Variants in CALML6 observed in about 807,000 individuals in gnomAD.
The protein encoded by CALML6 is calmodulin like 6.
CALML6 carries 27 observed loss-of-function variants against 25.0 expected under a neutral mutation model. That is an observed-to-expected ratio of 1.08 (90% CI 0.80 to 1.49). The LOEUF (loss-of-function observed/expected upper bound fraction) is 1.49, where lower values mean the gene tolerates loss of function less well. Among genes scored for constraint, CALML6 ranks in the 40% most tolerant of loss-of-function variants. The pLI, the probability that CALML6 is intolerant of heterozygous loss-of-function variation, is 0.00. For synonymous variants in CALML6, 97 were observed against 87.2 expected (o/e 1.11, Z -0.63); for missense variants, 239 against 232.7 (o/e 1.03, Z -0.18).
At position 1,915,636 on chromosome 1, in the gene CALML6, G is replaced by A. The variant is rs1380339771; in HGVS notation, c.28-49G>A. ...GACCCCGGGGACCCCAGGCAGCCAG[G>A]CCCAGCTAAAACTCAGCTGCCACCA... On this transcript the variant is annotated intron_variant, in intron 1 of 5. Coordinates refer to ENST00000307786, the MANE Select transcript of CALML6 (RefSeq NM_138705.4). 3 of 1,600,914 alleles carry A rather than the reference G, an allele frequency of 1.9e-6. No homozygotes were observed. The East Asian group carries it at 6.7e-5, about 36-fold the overall frequency.
Position 1,916,526 on chromosome 1 carries a change from C to T in CALML6, c.164C>T (p.Thr55Met), listed in dbSNP as rs145801911. ...GAAGAGGGCAACGGGGAGGTGAAGA[C>T]GGGGGAGCTGGAGTGGCTCATGAGC... ...FDEEGNGEVK[T>M]GELEWLMSLL... Residue 55 changes from threonine (T) to methionine (M), a missense_variant, in exon 3 of 6, where the codon ACG becomes ATG. Transcript: ENST00000307786. 60 of 1,609,558 alleles carry T rather than the reference C, an allele frequency of 3.7e-5. No individual in the cohort carries two copies. Among genetic ancestry groups the T allele is most frequent in the Admixed American group, 1.0e-4 (6 of 59,136 alleles).
chr1:1,915,830 G>GT, intron 2 of CALML6, 95 bp downstream of exon 2: 2 of 1,205,384 alleles, frequency 1.7e-6, no homozygotes, highest in Non-Finnish European at 2.4e-6. Context: ...CACGGAGCCT[G>GT]GGCAGGAAGG....
Position 1,916,565 on chromosome 1 carries a change from A to G in CALML6, c.203A>G (p.Asn68Ser). ...TGGCTCATGAGCCTGCTGGGTATCA[A>G]CCCCACCAAGAGTGAGCTGGCCTCA... ...LEWLMSLLGI[N>S]PTKSELASMA... The change falls in exon 3 of 6, where the codon AAC becomes AGC. Residue 68 changes from asparagine (N) to serine (S), a missense_variant. By Grantham distance (46) the Asn-to-Ser change is conservative. This residue lies in a region of CALML6 where 231 missense variants were observed against 210.9 expected (regional missense o/e 1.10). Coordinates refer to ENST00000307786, the MANE Select transcript of CALML6 (RefSeq NM_138705.4). The G allele has an allele frequency of 1.2e-6, 2 of 1,611,532 alleles. No homozygotes were observed. The highest frequency in any genetic ancestry group is 1.7e-6 in the Non-Finnish European group (2 of 1,179,272).
At chr1:1,916,153 TGCCTGGCCC>T in intron 2 of CALML6, 1 of 429,222 alleles carries the variant, frequency 2.3e-6, no homozygotes, top group South Asian at 3.8e-5. Flanking sequence ...CCAGGGCCGC[TGCCTGGCCC>T]GCCTGGCCCT....
intron 2 of CALML6, 134 bp from the exon 3 acceptor site, chr1:1,916,307 G>A: frequency 1.3e-6 from 1 of 786,368 alleles, no homozygotes; most frequent in East Asian, 2.8e-5. Context: ...GCTCTCCGCT[G>A]GGGGCCTCCT....
At position 1,915,727 on chromosome 1, in the gene CALML6, A is replaced by G. The variant is rs772958983; in HGVS notation, c.70A>G (p.Thr24Ala). The change falls in exon 2 of 6, where the codon ACC becomes GCC. Residue 24 changes from threonine to alanine, a missense_variant. Coordinates refer to ENST00000307786, the MANE Select transcript of CALML6 (RefSeq NM_138705.4). ...CCCTGCAGAATCCTGTCAGACAACC[A>G]CCGACATGGTAAGGCTGCTCTCTGT... The part of the protein sequence containing the change: ...HHPAESCQTT[T>A]DMTERLSAEQ... The G allele has an allele frequency of 8.7e-6, 14 of 1,613,336 alleles. No homozygotes were observed. The South Asian group carries it at 1.2e-4, about 14-fold the overall frequency.
chr1:1,915,997 T>C, intron 2 of CALML6: 1 of 551,880 alleles, frequency 1.8e-6, no homozygotes, highest in Non-Finnish European at 3.3e-6. Context: ...CCCTCCGGAA[T>C]GCCACACAGG....
Position 1,915,740 on chromosome 1 carries a change from G to A in CALML6, c.78+5G>A. 6.2e-7 allele frequency: 1 copy of A among 1,613,370 alleles called. No individual in the cohort carries two copies. The highest frequency in any genetic ancestry group is 8.5e-7 in the Non-Finnish European group (1 of 1,179,938). ...TGTCAGACAACCACCGACATGGTAAGGCTGCTCTCTGTGCCCGATGGAGTC... is the reference window on the plus strand; with the variant it reads ...TGTCAGACAACCACCGACATGGTAAAGCTGCTCTCTGTGCCCGATGGAGTC... On this transcript the variant is annotated splice_donor_5th_base_variant and intron_variant, in intron 2 of 5. Transcript: ENST00000307786.
In CALML6 at chr1:1,916,784, G is replaced by T; in HGVS notation, c.286G>T (p.Ala96Ser). The change falls in exon 4 of 6, where the codon GCA (alanine) becomes TCA (serine). Residue 96 changes from alanine to serine, a missense_variant. By Grantham distance (99) the Ala-to-Ser change is moderately conservative. Coordinates refer to ENST00000307786, the MANE Select transcript of CALML6 (RefSeq NM_138705.4). ...KGFFNCDGFL[A>S]LMGVYHEKAQ... is the part of the protein sequence containing the mutation. ...GTTCTTCAACTGCGATGGTTTCCTG[G>T]CACTAATGGGAGTTTACCATGAGAA... 1 of 1,613,586 alleles carries T rather than the reference G, an allele frequency of 6.2e-7. No individual in the cohort carries two copies. Among genetic ancestry groups the T allele is most frequent in the East Asian group, 2.2e-5 (1 of 44,882 alleles).
chr1:1,916,927 C>CCGGGGGGGGGGGGGGGGGGGGGGGG, intron 4 of CALML6, 31 bp downstream of exon 4: 6 of 472,222 alleles, frequency 1.3e-5, no homozygotes, highest in East Asian at 5.8e-5. Flanking sequence ...GGGTGGTGGG[C>CCGGGGGGGGGGGGGGGGGGGGGGGG]GGGCACGGGC....
At position 1,917,065 on chromosome 1, in the gene CALML6, G is replaced by T; in HGVS notation, c.490G>T (p.Asp164Tyr). The T allele has an allele frequency of 6.2e-7, 1 of 1,610,360 alleles. No individual in the cohort carries two copies. ...CGACAAGGATGGGGACAGGACCATC[G>T]ACTATGAGGGTGAGTGGCCTGGAGC... ...EADKDGDRTI[D>Y]YEEFVAMMTG... Residue 164 changes from aspartate (D) to tyrosine (Y), a missense_variant, in exon 5 of 6, where the codon GAC (aspartate) becomes TAC (tyrosine). Transcript: ENST00000307786.
rs1029463182 is a variant in CALML6 at position 1,915,733 on chromosome 1, A to T, written c.76A>T (p.Met26Leu). ...AGAATCCTGTCAGACAACCACCGAC[A>T]TGGTAAGGCTGCTCTCTGTGCCCGA... is the stretch of plus-strand genomic sequence containing the variant. ...PAESCQTTTDMTERLSAEQIK... is the reference protein window; with the variant it reads ...PAESCQTTTDLTERLSAEQIK... The change falls in exon 2 of 6, where the codon ATG (methionine) becomes TTG (leucine). Residue 26 changes from methionine to leucine, a missense_variant and splice_region_variant. By Grantham distance (15) the Met-to-Leu change is conservative. Coordinates refer to ENST00000307786, the MANE Select transcript of CALML6 (RefSeq NM_138705.4). 27 of 1,613,328 alleles carry T rather than the reference A, an allele frequency of 1.7e-5. No individual in the cohort carries two copies. Among genetic ancestry groups the T allele is most frequent in the Non-Finnish European group, 2.3e-5 (27 of 1,179,910 alleles).
In CALML6 at chr1:1,916,749, C is replaced by T. The variant is rs1367490564; in HGVS notation, c.254-3C>T. 1.9e-6 allele frequency: 3 copies of T among 1,613,494 alleles called. No individual in the cohort carries two copies. The highest frequency in any genetic ancestry group is 2.2e-5 in the East Asian group (1 of 44,880). On this transcript the variant is annotated splice_region_variant and splice_polypyrimidine_tract_variant and intron_variant, in intron 3 of 5. Coordinates refer to ENST00000307786, the MANE Select transcript of CALML6 (RefSeq NM_138705.4). ...CCTTGAGCCCCAGCTGTGCCCCTTG[C>T]AGACAAAGGGTTCTTCAACTGCGAT...
At position 1,917,002 on chromosome 1, in the gene CALML6, C is replaced by T. The variant is rs1422162946; in HGVS notation, c.427C>T (p.Leu143Phe). 4 of 1,609,840 alleles carry T rather than the reference C, an allele frequency of 2.5e-6. No homozygotes were observed. The highest frequency in any genetic ancestry group is 1.3e-5 in the African/African-American group (1 of 74,864). The change falls in exon 5 of 6, where the codon CTC becomes TTC. Residue 143 changes from leucine (L) to phenylalanine (F), a missense_variant. Leu to Phe is a conservative substitution (Grantham distance 22). Coordinates refer to ENST00000307786, the MANE Select transcript of CALML6 (RefSeq NM_138705.4). ...KYVLMNAGEP[L>F]NEVEAEQMMK... is the part of the protein sequence containing the mutation. ...CGTGCTAATGAACGCAGGGGAGCCC[C>T]TCAACGAGGTGGAGGCGGAGCAGAT...
At chr1:1,916,137 C>T (rs1165155949) in intron 2 of CALML6, 8 of 426,368 alleles carry the variant, frequency 1.9e-5, no homozygotes, top group Non-Finnish European at 3.4e-5. Flanking sequence ...TGTCCATTGC[C>T]AGGCTCCAGG....
chr1:1,915,366 C>A, intron 1 of CALML6, 59 bp downstream of exon 1: 1 of 1,548,234 alleles, frequency 6.5e-7, no homozygotes. Context: ...GGCCGCACCT[C>A]TGGGAAGGTA....
intron 4 of CALML6, 34 bp downstream of exon 4, chr1:1,916,930 G>GGGTGGGGGGGGGGGGGGGGGGGGGC: frequency 1.5e-6 from 1 of 665,008 alleles, no homozygotes. Context: ...TGGTGGGCGG[G>GGGTGGGGGGGGGGGGGGGGGGGGGC]CACGGGCAGG....
At position 1,917,214 on chromosome 1, in the gene CALML6, G is replaced by A; in HGVS notation, c.*21G>A. ...AGTAGGTGCAGCTGCCGCAGCCGGG[G>A]GAGGCCTGCCCGGGAAGGCTGCTGC... is the stretch of plus-strand genomic sequence containing the variant. On this transcript the variant is annotated 3_prime_UTR_variant, in exon 6 of 6. Coordinates refer to ENST00000307786, the MANE Select transcript of CALML6 (RefSeq NM_138705.4). The A allele has an allele frequency of 1.3e-6, 2 of 1,581,496 alleles. No individual in the cohort carries two copies. The highest frequency in any genetic ancestry group is 1.7e-6 in the Non-Finnish European group (2 of 1,166,698).
chr1:1,917,219 CCTGCCCGGGAAGGCTG>C lies in CALML6; in HGVS notation c.*33_*48del. 1 of 1,573,458 alleles carries C rather than the reference CCTGCCCGGGAAGGCTG, an allele frequency of 6.4e-7. No individual in the cohort carries two copies. Among genetic ancestry groups the C allele is most frequent in the East Asian group, 2.3e-5 (1 of 42,932 alleles). ...GTGCAGCTGCCGCAGCCGGGGGAGGCCTGCCCGGGAAGGCTGCTGCCCCTGCCCCCTGGCCCCCACT... is the reference window on the plus strand; with the variant it reads ...GTGCAGCTGCCGCAGCCGGGGGAGGCCTGCCCCTGCCCCCTGGCCCCCACT... On this transcript the variant is annotated 3_prime_UTR_variant, in exon 6 of 6. Transcript: ENST00000307786.
Sources: gnomAD v4.1 joint callset for allele counts on GRCh38, gnomAD v4.1.1 for gene constraint, gnomAD v4.1.1 regional missense constraint, MANE v1.5 for transcripts, NCBI Gene and HGNC (gene_info 2026-07-23, HGNC 2026-07-21) for gene names.